DPYSL3: variants seen among roughly 807,000 people sequenced by gnomAD.
DPYSL3 encodes dihydropyrimidinase-related protein 3.
Under a neutral mutation model 66.1 loss-of-function variants are expected in DPYSL3, and 16 were observed. The ratio of observed to expected loss-of-function variants is 0.24; its 90% confidence interval spans 0.16 to 0.37. The LOEUF is 0.37. Ranked by LOEUF, DPYSL3 falls within the 10% of genes least tolerant of loss-of-function variation. The probability of loss-of-function intolerance (pLI) is 1.00; values close to 1 mark genes in which losing one functional copy is unlikely to be tolerated. For synonymous variants in DPYSL3, 338 were observed against 345.1 expected (o/e 0.98, Z 0.23); for missense variants, 738 against 916.2 (o/e 0.81, Z 2.51).
At chr5:147,495,602 T>C (rs924113477) in intron 1 of DPYSL3, among the ~76,000 whole-genome samples, 1 of 152,010 alleles carries the variant, frequency 6.6e-6, no homozygotes, top group African/African-American at 2.4e-5. Flanking sequence ...TATACACCAA[T>C]AACAGACAAA....
chr5:147,509,350 A>T lies in DPYSL3; in HGVS notation c.381+128T>A. 7.9e-7 allele frequency: 1 copy of T among 1,265,050 alleles called. No homozygotes were observed. The highest frequency in any genetic ancestry group is 1.1e-6 in the Non-Finnish European group (1 of 947,912). 78.4% of individuals were successfully genotyped at this position (1,265,050 alleles called of 1,614,324 possible). A position where few individuals can be genotyped will look rare whatever the true frequency, so the allele number is the denominator to read the frequency against. ...GTCGCGCTACGCTCAGTGGAGGATG[A>T]CCCTTTCCTCCTCCTTGTCCCCCAG... On this transcript the variant is annotated intron_variant, in intron 1 of 13. Transcript: ENST00000343218. This position sits in a 1 kb window ranked among gnomAD's most constrained non-coding sequence, Gnocchi z 5.3.
intron 1 of DPYSL3, among the ~76,000 whole-genome samples, chr5:147,497,182 T>C (rs1305054232): frequency 7.3e-6 from 1 of 136,470 alleles, no homozygotes; most frequent in East Asian, 2.2e-4. Flanking sequence ...TTCTCACTCA[T>C]AGGTGGGAAT....
Position 147,428,248 on chromosome 5 carries a change from G to T in DPYSL3, c.382-3285C>A, listed in dbSNP as rs538039412. Among the ~76,000 whole-genome samples, 3 of 152,228 alleles carry T rather than the reference G, an allele frequency of 2.0e-5. No individual in the cohort carries two copies. In the East Asian group the frequency reaches 5.8e-4, roughly 29 times the overall value. ...GAGATTAAGAAGAGTTTTCTCCATG[G>T]GCTACAAATATTAACATTATTAATT... On this transcript the variant is annotated intron_variant, in intron 1 of 13. Coordinates refer to ENST00000343218, the MANE Select transcript of DPYSL3 (RefSeq NM_001197294.2).
At position 147,399,069 on chromosome 5, in the gene DPYSL3, G is replaced by C. The variant is rs762418916; in HGVS notation, c.1623+13C>G. On this transcript the variant is annotated intron_variant, in intron 11 of 13. Coordinates refer to ENST00000343218, the MANE Select transcript of DPYSL3 (RefSeq NM_001197294.2). ...TCTCCATTCTACTCCACTCCCACCA[G>C]AGCGGGCCTTACAGACTGGTGGTTC... The C allele has an allele frequency of 1.2e-5, 20 of 1,613,406 alleles. 1 individual carries two copies. The East Asian group carries it at 3.8e-4, about 31-fold the overall frequency.
chr5:147,394,260 T>C, intron 13 of DPYSL3, 137 bp from the exon 14 acceptor site: 1 of 836,068 alleles, frequency 1.2e-6, no homozygotes, highest in East Asian at 2.7e-5. Flanking sequence ...CCCAAGAAAC[T>C]TCCATTCCAG....
At chr5:147,469,200 A>G (rs1753050569) in intron 1 of DPYSL3, among the ~76,000 whole-genome samples, 3 of 152,178 alleles carry the variant, frequency 2.0e-5, no homozygotes, top group Admixed American at 2.0e-4. Flanking sequence ...ACTCCGCATC[A>G]CTGATAGCAG....
intron 1 of DPYSL3, among the ~76,000 whole-genome samples, chr5:147,504,813 A>T (rs1275192660): frequency 6.6e-6 from 1 of 152,170 alleles, no homozygotes; most frequent in Non-Finnish European, 1.5e-5. Context: ...AAGACTCCTG[A>T]TAGAAAGTTA....
At chr5:147,428,785 C>T (rs1023245745) in intron 1 of DPYSL3, among the ~76,000 whole-genome samples, 5 of 149,130 alleles carry the variant, frequency 3.4e-5, no homozygotes, top group Non-Finnish European at 1.5e-5. Flanking sequence ...ACAACACACA[C>T]TGGGGCCCGT....
intron 1 of DPYSL3, among the ~76,000 whole-genome samples, chr5:147,455,740 G>A (rs1581204373): frequency 6.6e-6 from 1 of 151,810 alleles, no homozygotes; most frequent in African/African-American, 2.4e-5. Context: ...GCAAAAATAT[G>A]TAGGGGACAT....
intron 1 of DPYSL3, among the ~76,000 whole-genome samples, chr5:147,495,045 A>G: frequency 6.6e-6 from 1 of 152,172 alleles, no homozygotes; most frequent in Non-Finnish European, 1.5e-5. Flanking sequence ...TGTATCTATT[A>G]AAGAAACCAA....
intron 1 of DPYSL3, among the ~76,000 whole-genome samples, chr5:147,466,536 T>C (rs114239103): frequency 0.02 from 3,066 of 152,266 alleles, 115 homozygotes; most frequent in African/African-American, 0.07. Context: ...GCGCCGGAGC[T>C]GCTGAATCTT....
At chr5:147,428,758 T>G (rs1282968618) in intron 1 of DPYSL3, among the ~76,000 whole-genome samples, 3 of 134,818 alleles carry the variant, frequency 2.2e-5, no homozygotes, top group African/African-American at 3.6e-5. Flanking sequence ...TGAGAACACA[T>G]GGACACAGGG....
chr5:147,498,117 G>A (rs975823042), intron 1 of DPYSL3, among the ~76,000 whole-genome samples: 1 of 152,050 alleles, frequency 6.6e-6, no homozygotes, highest in Admixed American at 6.6e-5. Flanking sequence ...GCCCCAGTGT[G>A]TGTTGTTTCC....
At chr5:147,417,168 A>C (rs1449100257) in intron 3 of DPYSL3, among the ~76,000 whole-genome samples, 1 of 152,186 alleles carries the variant, frequency 6.6e-6, no homozygotes, top group Admixed American at 6.5e-5. Context: ...GACTTCCCTA[A>C]TGCAGATGGC....
intron 1 of DPYSL3, among the ~76,000 whole-genome samples, chr5:147,505,388 C>G (rs1753673252): frequency 6.6e-6 from 1 of 152,122 alleles, no homozygotes; most frequent in Admixed American, 6.6e-5. Context: ...GTGCCCACCA[C>G]CACGCCCAGC....
In DPYSL3 at chr5:147,408,755, T is replaced by C. The variant is rs1751780659; in HGVS notation, c.1005A>G (p.Glu335=). The C allele has an allele frequency of 2.5e-6, 4 of 1,614,212 alleles. No individual in the cohort carries two copies. The highest frequency in any genetic ancestry group is 3.4e-6 in the Non-Finnish European group (4 of 1,180,030). The change falls in exon 7 of 14, where the codon GAA becomes GAG. Residue 335 remains glutamate (E), a synonymous_variant. Transcript: ENST00000343218. ...CTTCTGGCCTGCTCAGTACATGGCC[T>C]TCTGGGCCAGTTATCCCCATTTCCA... ...RMLEMGITGP[E]GHVLSRPEEL... is the part of the protein sequence containing the mutation.
chr5:147,446,484 C>T (rs1752631648), intron 1 of DPYSL3, among the ~76,000 whole-genome samples: 1 of 152,200 alleles, frequency 6.6e-6, no homozygotes, highest in Non-Finnish European at 1.5e-5. Context: ...GAAATGTTGT[C>T]CTTGAATTCC....
intron 1 of DPYSL3, among the ~76,000 whole-genome samples, chr5:147,470,433 T>G (rs1753069664): frequency 6.6e-6 from 1 of 152,072 alleles, no homozygotes. Flanking sequence ...CAGTGCTTGG[T>G]CCTTTCCCAC....
At position 147,397,816 on chromosome 5, in the gene DPYSL3, C is replaced by T; in HGVS notation, c.1653G>A (p.Met551Ile). ...SAAEYNIFEG[M>I]ELRGAPLVVI... ...CAACCAGAGGAGCCCCGCGCAGCTC[C>T]ATCCCTTCAAAGATGTTGTACTCTG... The change falls in exon 12 of 14, where the codon ATG (methionine) becomes ATA (isoleucine). Residue 551 changes from methionine (M) to isoleucine (I), a missense_variant. Coordinates refer to ENST00000343218, the MANE Select transcript of DPYSL3 (RefSeq NM_001197294.2). 6.2e-7 allele frequency: 1 copy of T among 1,613,344 alleles called. No individual in the cohort carries two copies. The highest frequency in any genetic ancestry group is 1.1e-5 in the South Asian group (1 of 90,996).
Sources: allele counts gnomAD v4.1 joint callset (sites outside exome capture counted in the v4.1 genomes callset), GRCh38; gene constraint gnomAD v4.1.1; non-coding constraint Gnocchi (gnomAD v3.1); transcripts MANE v1.5; gene names NCBI Gene and HGNC (gene_info 2026-07-23, HGNC 2026-07-21).